The following SASH1 variants were observed in gnomAD, a reference collection of about 807,000 sequenced individuals.
SASH1 encodes SAM and SH3 domain-containing protein 1.
Under a neutral mutation model 125.2 loss-of-function variants are expected in SASH1, and 44 were observed. The ratio of observed to expected loss-of-function variants is 0.35; its 90% CI spans 0.28 to 0.45. The LOEUF (loss-of-function observed/expected upper bound fraction) is 0.45. Ranked by LOEUF, SASH1 falls within the 20% of genes least tolerant of loss-of-function variation. The probability of loss-of-function intolerance (pLI) is 1.00; values close to 1 mark genes in which losing one functional copy is unlikely to be tolerated. For missense variants in SASH1, 1,426 were observed against 1,614.5 expected, an observed-to-expected ratio of 0.88 and a Z score of 2.00; for synonymous variants, 639 against 649.1, an observed-to-expected ratio of 0.98 and a Z score of 0.24.
intron 2 of SASH1, among the ~76,000 whole-genome samples, chr6:148,430,576 C>A (rs1003305780): frequency 1.3e-5 from 2 of 152,224 alleles, no homozygotes; most frequent in South Asian, 4.1e-4. Flanking sequence ...AAGCGATCCA[C>A]CCGCCTTGGC....
intron 1 of SASH1, among the ~76,000 whole-genome samples, chr6:148,327,874 G>C (rs1780875737): frequency 6.6e-6 from 1 of 150,536 alleles, no homozygotes; most frequent in African/African-American, 2.4e-5. Context: ...CCAGGAGGTG[G>C]AGTTTGCAGT....
At chr6:148,314,819 C>T (rs957928980) in intron 1 of SASH1, among the ~76,000 whole-genome samples, 12 of 149,144 alleles carry the variant, frequency 8.0e-5, no homozygotes, top group African/African-American at 2.7e-4. Flanking sequence ...TGCAGTGCCG[C>T]GATCTTGGCT....
the SASH1 span, among the ~76,000 whole-genome samples, chr6:148,234,931 A>G: frequency 6.6e-6 from 1 of 152,126 alleles, no homozygotes; most frequent in Non-Finnish European, 1.5e-5. Context: ...CATCAGAAAT[A>G]TTATCTAAAA....
intron 1 of SASH1, among the ~76,000 whole-genome samples, chr6:148,307,810 G>A (rs1780184143): frequency 6.6e-6 from 1 of 152,094 alleles, no homozygotes. Context: ...TTGCTTAATT[G>A]GTCACTTGGC....
chr6:148,199,886 G>C, the SASH1 span, among the ~76,000 whole-genome samples: 11 of 152,102 alleles, frequency 7.2e-5, no homozygotes, highest in African/African-American at 2.7e-4. Flanking sequence ...CTGGAGAAAG[G>C]CAAAGACCAG....
intron 8 of SASH1, among the ~76,000 whole-genome samples, chr6:148,488,145 A>G (rs1583241558): frequency 6.6e-6 from 1 of 151,328 alleles, no homozygotes; most frequent in Non-Finnish European, 1.5e-5. Flanking sequence ...CGCCTCACCC[A>G]CCTCCACACA....
intron 1 of SASH1, among the ~76,000 whole-genome samples, chr6:148,330,774 T>C (rs1582974407): frequency 6.6e-6 from 1 of 152,072 alleles, no homozygotes; most frequent in African/African-American, 2.4e-5. Flanking sequence ...TTAGCAGAGA[T>C]GGGGTTTCGC....
the SASH1 span, among the ~76,000 whole-genome samples, chr6:148,256,596 G>T: frequency 6.6e-6 from 1 of 152,136 alleles, no homozygotes; most frequent in Non-Finnish European, 1.5e-5. Context: ...TGTTTTGTAT[G>T]CTTGCAAATT....
At chr6:148,449,078 C>CTTTTTTTTTTTTTTTTTTTTTCTT in intron 4 of SASH1, among the ~76,000 whole-genome samples, 1 of 88,704 alleles carries the variant, frequency 1.1e-5, no homozygotes, top group South Asian at 3.5e-4. Flanking sequence ...CATTTCATTT[C>CTTTTTTTTTTTTTTTTTTTTTCTT]TTTTTTTTTT....
In SASH1 at chr6:148,297,249, G is replaced by A. The variant is rs373097304; in HGVS notation, n.74+24872G>A. Among the ~76,000 whole-genome samples the A allele has an allele frequency of 5.3e-5, 8 of 152,290 alleles. No homozygotes were observed. In the East Asian group the frequency reaches 9.6e-4, roughly 18 times the overall value. The stretch of plus-strand genomic sequence containing the variant: ...CTGTGGAGAGGGTCGCACCAGGGCC[G>A]TCACTGGGGAAGTCATTTTCCTCTT... On this transcript the variant is annotated intron_variant and non_coding_transcript_variant, in intron 1 of 3. Coordinates refer to the SASH1 transcript ENST00000367469.
chr6:148,324,033 T>G (rs906723909), intron 1 of SASH1, among the ~76,000 whole-genome samples: 1 of 140,528 alleles, frequency 7.1e-6, no homozygotes, highest in Non-Finnish European at 1.5e-5. Flanking sequence ...GGCAGGAGAA[T>G]CGCTTGAACC....
At chr6:148,494,654 A>T (rs1779243944) in intron 8 of SASH1, among the ~76,000 whole-genome samples, 1 of 152,174 alleles carries the variant, frequency 6.6e-6, no homozygotes, top group African/African-American at 2.4e-5. Context: ...AACAAAAACA[A>T]AAAAAGAATG....
At chr6:148,461,784 T>C (rs996866636) in intron 4 of SASH1, among the ~76,000 whole-genome samples, 3 of 152,138 alleles carry the variant, frequency 2.0e-5, no homozygotes, top group African/African-American at 7.2e-5. Flanking sequence ...AGGAGATAGG[T>C]TTGTGTGATA....
At chr6:148,365,417 T>A (rs1326589334) in intron 1 of SASH1, among the ~76,000 whole-genome samples, 1 of 151,844 alleles carries the variant, frequency 6.6e-6, no homozygotes, top group Non-Finnish European at 1.5e-5. Context: ...ACTATCTTTT[T>A]TTTTTTTTTA....
intron 1 of SASH1, among the ~76,000 whole-genome samples, chr6:148,358,590 T>C (rs1782046826): frequency 6.6e-6 from 1 of 152,192 alleles, no homozygotes; most frequent in African/African-American, 2.4e-5. Flanking sequence ...GTCACTGTTG[T>C]ACAACTAGGG....
At chr6:148,398,197 G>C (rs767489300) in intron 2 of SASH1, among the ~76,000 whole-genome samples, 45 of 152,204 alleles carry the variant, frequency 3.0e-4, no homozygotes, top group Non-Finnish European at 5.4e-4. Flanking sequence ...GATTATTAAT[G>C]ATATAAAAGA....
At chr6:148,382,814 T>C (rs1583057037) in intron 1 of SASH1, among the ~76,000 whole-genome samples, 1 of 152,136 alleles carries the variant, frequency 6.6e-6, no homozygotes, top group South Asian at 2.1e-4. Context: ...AGGTTTTGGG[T>C]GTTTTTGGAG....
intron 1 of SASH1, among the ~76,000 whole-genome samples, chr6:148,290,502 A>T (rs1336731678): frequency 6.6e-6 from 1 of 151,994 alleles, no homozygotes; most frequent in Non-Finnish European, 1.5e-5. Flanking sequence ...GCTACTCGGG[A>T]GGCTGAGGCA....
In SASH1 at chr6:148,544,101, G is replaced by GT. The variant is rs1562502114; in HGVS notation, c.2631_2632insT (p.Lys878Ter). ...CACAGAAGACGACCGCCTCTTCCAC[G>GT]AAGGCCCAGCCCCTGGAGCAAGACT... On this transcript the variant is annotated frameshift_variant, in exon 18 of 20. Transcript: ENST00000367467. LOFTEE classifies it high-confidence loss of function. The surrounding 1 kb of genome is among the most constrained non-coding windows in gnomAD (Gnocchi z 6.4). The GT allele has an allele frequency of 6.2e-7, 1 of 1,614,026 alleles. No homozygotes were observed. The highest frequency in any genetic ancestry group is 1.3e-5 in the African/African-American group (1 of 75,008).
Sources: allele counts gnomAD v4.1 joint callset (sites outside exome capture counted in the v4.1 genomes callset), GRCh38; gene constraint gnomAD v4.1.1; non-coding constraint Gnocchi (gnomAD v3.1); transcripts MANE v1.5; gene names NCBI Gene and HGNC (gene_info 2026-07-23, HGNC 2026-07-21).